DAB1: variants seen among roughly 807,000 people sequenced by gnomAD.
DAB1 encodes the protein disabled homolog 1.
A neutral mutation model predicts 64.6 loss-of-function variants in DAB1; 15 were observed. That is an observed-to-expected ratio of 0.23 (90% CI 0.16 to 0.36). DAB1 has a LOEUF of 0.36. DAB1 is among the 10% of genes least tolerant of loss of function. DAB1 has a pLI of 1.00. For synonymous variants in DAB1, 235 were observed against 251.9 expected (o/e 0.93, Z 0.64); for missense variants, 596 against 706.7 (o/e 0.84, Z 1.78).
chr1:58,434,319 T>G (rs538374242), intron 3 of DAB1, among the ~76,000 whole-genome samples: 6 of 151,152 alleles, frequency 4.0e-5, no homozygotes, highest in Non-Finnish European at 8.8e-5. Context: ...TGGTGAGAAG[T>G]AGTAGCTCTG....
intron 1 of DAB1, among the ~76,000 whole-genome samples, chr1:57,389,346 A>G (rs1682143579): frequency 6.6e-6 from 1 of 152,162 alleles, no homozygotes; most frequent in Non-Finnish European, 1.5e-5. Context: ...GAAACTCTCC[A>G]GTATGGCATG....
chr1:57,246,642 C>T (rs1354737413), intron 2 of DAB1, among the ~76,000 whole-genome samples: 1 of 152,144 alleles, frequency 6.6e-6, no homozygotes, highest in Non-Finnish European at 1.5e-5. Flanking sequence ...CTCCAGACCC[C>T]ATAAAGGTAA....
intron 3 of DAB1, chr1:58,481,163 A>C: frequency 2.4e-6 from 2 of 841,300 alleles, no homozygotes; most frequent in Non-Finnish European, 4.1e-6. Context: ...ACATCTCTCT[A>C]ATTTTGAGAG....
chr1:58,422,971 G>A (rs1184983715), intron 3 of DAB1, among the ~76,000 whole-genome samples: 1 of 152,174 alleles, frequency 6.6e-6, no homozygotes, highest in African/African-American at 2.4e-5. Flanking sequence ...TCTGAGATAG[G>A]TAAGTTTTAT....
intron 4 of DAB1, among the ~76,000 whole-genome samples, chr1:58,312,526 T>A (rs1209588831): frequency 6.6e-6 from 1 of 152,160 alleles, no homozygotes; most frequent in African/African-American, 2.4e-5. Flanking sequence ...TGGGCTGATG[T>A]TTATCCTTTT....
In DAB1 at chr1:57,875,057, C is replaced by G. The variant is rs150531934; in HGVS notation, n.87+8942G>C. ...TCTTCAGGAAAGTGTCCAGAGAGGG[C>G]AAGCTCAACTACCTACTGAATCTCC... is the stretch of plus-strand genomic sequence containing the variant. On this transcript the variant is annotated intron_variant and non_coding_transcript_variant, in intron 1 of 1. Coordinates refer to the DAB1 transcript ENST00000477280. 4 of 152,312 alleles carry G rather than the reference C, an allele frequency of 2.6e-5. No individual in the cohort carries two copies. In the East Asian group the frequency reaches 7.7e-4, roughly 30 times the overall value. The allele number at this position is 152,312 out of a possible 1,614,324, so 9.4% of individuals were successfully genotyped here. A position where few individuals can be genotyped will look rare whatever the true frequency, so the allele number is the denominator to read the frequency against.
intron 5 of DAB1, among the ~76,000 whole-genome samples, chr1:58,014,982 C>A (rs2802897): frequency 0.59 from 89,477 of 152,058 alleles, 27,258 homozygotes; most frequent in East Asian, 0.98. Flanking sequence ...CTCAGCCCTC[C>A]CAAACCTATG....
intron 1 of DAB1, among the ~76,000 whole-genome samples, chr1:57,399,982 A>T (rs949337139): frequency 1.3e-5 from 2 of 152,188 alleles, no homozygotes; most frequent in African/African-American, 4.8e-5. Context: ...AGGTTGGGGT[A>T]CTCACTCACT....
At chr1:57,615,774 A>C (rs2101608929) in intron 7 of DAB1, among the ~76,000 whole-genome samples, 1 of 152,312 alleles carries the variant, frequency 6.6e-6, no homozygotes, top group Middle Eastern at 3.4e-3. Flanking sequence ...CTGCAAACAC[A>C]ATTAGCAAGC....
chr1:57,214,927 A>AAAAG (rs1553156904), intron 2 of DAB1, among the ~76,000 whole-genome samples: 48 of 148,718 alleles, frequency 3.2e-4, no homozygotes, highest in East Asian at 7.7e-4. Flanking sequence ...AAAAAAAAAA[A>AAAAG]AAAGAAAGAA....
chr1:57,716,665 C>T (rs1387133021), intron 6 of DAB1, among the ~76,000 whole-genome samples: 26 of 152,036 alleles, frequency 1.7e-4, no homozygotes, highest in African/African-American at 2.4e-5. Flanking sequence ...TTCATAAAAT[C>T]AAACAGGGCA....
intron 7 of DAB1, among the ~76,000 whole-genome samples, chr1:57,435,164 TCAGCCTCC>T (rs1685652014): frequency 6.6e-6 from 1 of 150,806 alleles, no homozygotes; most frequent in African/African-American, 2.4e-5. Flanking sequence ...TTCTCCTGTC[TCAGCCTCC>T]CAAGTAGCTG....
In DAB1 at chr1:58,453,785, G is replaced by A. The variant is rs1219906153; in HGVS notation, n.257+52275C>T. ...CCACCTTGCACTAGCTTTAGTAGAAGGCATTTATTGATTGTAGGACTTCAC... is the reference window on the plus strand; with the variant it reads ...CCACCTTGCACTAGCTTTAGTAGAAAGCATTTATTGATTGTAGGACTTCAC... On this transcript the variant is annotated intron_variant and non_coding_transcript_variant, in intron 3 of 20. Transcript: ENST00000485760. Among the ~76,000 whole-genome samples the A allele has an allele frequency of 2.6e-5, 4 of 152,136 alleles. No homozygotes were observed. In the South Asian group the frequency reaches 6.2e-4, roughly 24 times the overall value.
chr1:57,909,581 CTA>C (rs1196154571), intron 5 of DAB1, among the ~76,000 whole-genome samples: 2 of 151,964 alleles, frequency 1.3e-5, no homozygotes, highest in Non-Finnish European at 2.9e-5. Context: ...AAGAAAGAAA[CTA>C]TGAAATGTGA....
At chr1:57,865,838 A>G (rs1397349560) in intron 1 of DAB1, among the ~76,000 whole-genome samples, 1 of 152,234 alleles carries the variant, frequency 6.6e-6, no homozygotes, top group Non-Finnish European at 1.5e-5. Flanking sequence ...ATGAGCTGCT[A>G]CAACAAAATG....
Position 57,585,057 on chromosome 1 carries a change from T to C in DAB1, n.625+64535A>G, listed in dbSNP as rs376957329. Among the ~76,000 whole-genome samples, 7 of 151,758 alleles carry C rather than the reference T, an allele frequency of 4.6e-5. No homozygotes were observed. The South Asian group carries it at 1.5e-3, about 32-fold the overall frequency. On this transcript the variant is annotated intron_variant and non_coding_transcript_variant, in intron 7 of 20. Coordinates refer to the DAB1 transcript ENST00000485760. ...CAAGGTCAGGAGTTCGAGACCAGCC[T>C]GGCCAACATGTTGAAACCTCGTCTC...
At chr1:57,465,972 TG>T (rs1686942180) in intron 7 of DAB1, among the ~76,000 whole-genome samples, 4 of 152,240 alleles carry the variant, frequency 2.6e-5, no homozygotes, top group Non-Finnish European at 4.4e-5. Flanking sequence ...CACTAAGTTC[TG>T]TTCTTGGAGG....
chr1:57,951,332 A>ATATATATATATAT (rs1491577001), intron 5 of DAB1, among the ~76,000 whole-genome samples: 1 of 127,714 alleles, frequency 7.8e-6, no homozygotes, highest in Non-Finnish European at 1.8e-5. Flanking sequence ...ATATATATAT[A>ATATATATATATAT]CTTCCCTGGA....
intron 6 of DAB1, among the ~76,000 whole-genome samples, chr1:57,660,293 A>T (rs767855407): frequency 6.6e-6 from 1 of 152,144 alleles, no homozygotes; most frequent in Non-Finnish European, 1.5e-5. Context: ...CAAATAAATC[A>T]TGACCAAATC....
Sources: gnomAD v4.1 joint callset for allele counts (sites outside exome capture counted in the v4.1 genomes callset) on GRCh38, gnomAD v4.1.1 for gene constraint, MANE v1.5 for transcripts, NCBI Gene and HGNC (gene_info 2026-07-23, HGNC 2026-07-21) for gene names.